ZDHHC16: variants seen among roughly 807,000 people sequenced by gnomAD.
The protein encoded by ZDHHC16 is palmitoyltransferase ZDHHC16.
In ZDHHC16, 33 loss-of-function variants were observed where a neutral mutation model predicts 54.4. The observed-to-expected ratio is 0.61, with a 90% confidence interval of 0.46 to 0.81. The LOEUF (loss-of-function observed/expected upper bound fraction) is 0.81. ZDHHC16 is among the 30% of genes least tolerant of loss of function. The pLI is 0.00. For missense variants in ZDHHC16, 420 were observed against 485.9 expected (o/e 0.86, Z 1.28); for synonymous variants, 185 against 182.1 (o/e 1.02, Z -0.13).
chr10:97,454,617 T>C, intron 8 of ZDHHC16, 97 bp from the exon 9 acceptor site: 1 of 1,152,324 alleles, frequency 8.7e-7, no homozygotes, highest in South Asian at 1.3e-5. Context: ...CTGTTTTCTC[T>C]GCCTGGATTT....
Position 97,446,287 on chromosome 10 carries a change from G to T in ZDHHC16, c.-252G>T, listed in dbSNP as rs1006459690. The T allele has an allele frequency of 3.9e-6, 2 of 514,172 alleles. No homozygotes were observed. The highest frequency in any genetic ancestry group is 3.6e-5 in the Admixed American group (1 of 28,152). 31.9% of individuals were successfully genotyped at this position (514,172 alleles called of 1,614,324 possible). ...CGGCCGGGGCGCCGAGTCGGAGGGGGTGGCAGTGAGCGGCGGCAGAGGCTA... is the reference window on the plus strand; with the variant it reads ...CGGCCGGGGCGCCGAGTCGGAGGGGTTGGCAGTGAGCGGCGGCAGAGGCTA... On this transcript the variant is annotated 5_prime_UTR_variant, in exon 1 of 12. Coordinates refer to ENST00000393760, the MANE Select transcript of ZDHHC16 (RefSeq NM_198046.3).
At chr10:97,456,569 A>G in intron 11 of ZDHHC16, 1 of 455,794 alleles carries the variant, frequency 2.2e-6, no homozygotes, top group Middle Eastern at 5.4e-4. Flanking sequence ...GACCTTTAGA[A>G]GTTTAGCTCG....
chr10:97,451,813 G>A lies in ZDHHC16; in HGVS notation c.138G>A (p.Leu46=). 1 of 1,614,220 alleles carries A rather than the reference G, an allele frequency of 6.2e-7. No homozygotes were observed. Among genetic ancestry groups the A allele is most frequent in the Non-Finnish European group, 8.5e-7 (1 of 1,180,054 alleles). The change falls in exon 3 of 12, where the codon CTG becomes CTA. Residue 46 remains leucine, a synonymous_variant. Coordinates refer to ENST00000393760, the MANE Select transcript of ZDHHC16 (RefSeq NM_198046.3). ...GCTGGCGCTACGGCAAGGTCTGCCTGCGCTCCCTGCTCTACAACTCCTTTG... is the reference window on the plus strand; with the variant it reads ...GCTGGCGCTACGGCAAGGTCTGCCTACGCTCCCTGCTCTACAACTCCTTTG... ...VQRWRYGKVC[L]RSLLYNSFGG...
intron 1 of ZDHHC16, among the ~76,000 whole-genome samples, chr10:97,449,298 T>C (rs1370727579): frequency 2.0e-5 from 3 of 151,890 alleles, no homozygotes; most frequent in African/African-American, 4.8e-5. Flanking sequence ...AAGGAGTGCA[T>C]TGGATTTGCA....
At chr10:97,454,917 G>A (rs1228438381) in intron 9 of ZDHHC16, 118 bp downstream of exon 9, 6 of 840,558 alleles carry the variant, frequency 7.1e-6, no homozygotes, top group African/African-American at 1.7e-5. Flanking sequence ...GTCTAACTTA[G>A]GTTGGCAGAG....
rs1483171657 is a variant in ZDHHC16, at chr10:97,451,879, C to T, written c.204C>T (p.Val68=). The part of the protein sequence containing the change: ...DTAVDAAFEP[V]YWLVDNVIRW... Reference sequence around the variant, plus strand: ...CTGTTGATGCTGCCTTTGAGCCTGTCTACTGGCTGGTAGACAACGTGATCC... The same window carrying T: ...CTGTTGATGCTGCCTTTGAGCCTGTTTACTGGCTGGTAGACAACGTGATCC... The change falls in exon 3 of 12, where the codon GTC becomes GTT. Residue 68 remains valine, a synonymous_variant. Transcript: ENST00000393760. 1.2e-6 allele frequency: 2 copies of T among 1,613,780 alleles called. No individual in the cohort carries two copies. Among genetic ancestry groups the T allele is most frequent in the South Asian group, 1.1e-5 (1 of 91,022 alleles).
In ZDHHC16 at chr10:97,451,809, G is replaced by A. The variant is rs777699014; in HGVS notation, c.134G>A (p.Cys45Tyr). 6.2e-7 allele frequency: 1 copy of A among 1,614,222 alleles called. No homozygotes were observed. The highest frequency in any genetic ancestry group is 8.5e-7 in the Non-Finnish European group (1 of 1,180,048). Residue 45 changes from cysteine to tyrosine, a missense_variant, in exon 3 of 12, where the codon TGC becomes TAC. Transcript: ENST00000393760. ...CAGCGCTGGCGCTACGGCAAGGTCT[G>A]CCTGCGCTCCCTGCTCTACAACTCC... ...LVQRWRYGKVCLRSLLYNSFG... is the reference protein window; with the variant it reads ...LVQRWRYGKVYLRSLLYNSFG...
At chr10:97,456,087 G>A (rs763758699) in intron 11 of ZDHHC16, 43 bp downstream of exon 11, 2 of 1,571,146 alleles carry the variant, frequency 1.3e-6, no homozygotes, top group East Asian at 4.5e-5. Context: ...ACAGAACACT[G>A]TGATGAGAAA....
At chr10:97,447,292 C>T (rs1846166780) in intron 1 of ZDHHC16, among the ~76,000 whole-genome samples, 1 of 152,224 alleles carries the variant, frequency 6.6e-6, no homozygotes, top group South Asian at 2.1e-4. Context: ...CGTCTTTGTC[C>T]AGATGACATT....
At position 97,452,474 on chromosome 10, in the gene ZDHHC16, C is replaced by G. The variant is rs1846736530; in HGVS notation, c.498C>G (p.Ala166=). Reference sequence around the variant, plus strand: ...AGAAGTGCATTTACCCCAAGCCAGCCCGAACACACCACTGCAGCATCTGCA... The same window carrying G: ...AGAAGTGCATTTACCCCAAGCCAGCGCGAACACACCACTGCAGCATCTGCA... ...ICKKCIYPKP[A]RTHHCSICNR... Residue 166 remains alanine (A), a synonymous_variant, in exon 5 of 12, where the codon GCC becomes GCG. Coordinates refer to ENST00000393760, the MANE Select transcript of ZDHHC16 (RefSeq NM_198046.3). 1 of 1,614,208 alleles carries G rather than the reference C, an allele frequency of 6.2e-7. No homozygotes were observed. Among genetic ancestry groups the G allele is most frequent in the African/African-American group, 1.3e-5 (1 of 75,052 alleles).
Sources: allele counts gnomAD v4.1 joint callset (sites outside exome capture counted in the v4.1 genomes callset), GRCh38; gene constraint gnomAD v4.1.1; transcripts MANE v1.5; gene names NCBI Gene and HGNC (gene_info 2026-07-23, HGNC 2026-07-21).